The following ACTR3C variants were observed in gnomAD, a reference collection of about 807,000 sequenced individuals.
The protein encoded by ACTR3C is actin-related protein 3C.
ACTR3C carries 18 observed loss-of-function variants against 26.3 expected under a neutral mutation model. The ratio of observed to expected loss-of-function variants is 0.68; its 90% CI spans 0.47 to 1.01. The LOEUF is 1.01. Ranked by LOEUF, ACTR3C falls within the 50% of genes least tolerant of loss-of-function variation. The pLI is 0.00. For synonymous variants in ACTR3C, 55 were observed against 94.5 expected, an observed-to-expected ratio of 0.58 and a Z score of 2.42; for missense variants, 184 against 250.7, an observed-to-expected ratio of 0.73 and a Z score of 1.80.
the ACTR3C span, among the ~76,000 whole-genome samples, chr7:149,889,101 A>G: frequency 2.5e-4 from 38 of 152,184 alleles, no homozygotes; most frequent in Admixed American, 7.2e-4. Context: ...ACTATTTGTA[A>G]AGCATATATC....
At chr7:150,161,431 T>G in the ACTR3C span, among the ~76,000 whole-genome samples, 1 of 151,736 alleles carries the variant, frequency 6.6e-6, no homozygotes, top group South Asian at 2.1e-4. Context: ...GTTCTCATTG[T>G]TCAATTACCA....
the ACTR3C span, among the ~76,000 whole-genome samples, chr7:149,933,782 A>G: frequency 6.6e-6 from 1 of 152,162 alleles, no homozygotes; most frequent in South Asian, 2.1e-4. Flanking sequence ...CCAGGTGTAG[A>G]GTTCCACTCA....
chr7:150,055,883 T>TA, the ACTR3C span, among the ~76,000 whole-genome samples: 19,781 of 152,170 alleles, frequency 0.13, 1,349 homozygotes, highest in South Asian at 0.21. Context: ...TTTAATGCAA[T>TA]AAAAAAATCC....
the ACTR3C span, among the ~76,000 whole-genome samples, chr7:149,990,089 A>G: frequency 1.3e-5 from 2 of 151,688 alleles, no homozygotes; most frequent in Middle Eastern, 3.4e-3. Context: ...ACGGGTCTCA[A>G]TTTTTCCTCC....
the ACTR3C span, among the ~76,000 whole-genome samples, chr7:150,100,397 C>T: frequency 0.43 from 65,600 of 151,384 alleles, 15,518 homozygotes; most frequent in East Asian, 0.69. Context: ...CTGGGCTCTG[C>T]GCTGAGTTTT....
chr7:149,955,584 T>C, the ACTR3C span, among the ~76,000 whole-genome samples: 774 of 152,224 alleles, frequency 5.1e-3, 7 homozygotes, highest in African/African-American at 0.018. Flanking sequence ...ATACGGTGTT[T>C]TTGCAACAAG....
chr7:149,996,582 A>AAAAAAAATAAAT, the ACTR3C span, among the ~76,000 whole-genome samples: 27 of 148,990 alleles, frequency 1.8e-4, no homozygotes, highest in Admixed American at 4.7e-4. Flanking sequence ...TTCTGGTAAA[A>AAAAAAAATAAAT]AAATAAATAA....
At chr7:150,084,553 TATGA>T in the ACTR3C span, among the ~76,000 whole-genome samples, 1 of 152,064 alleles carries the variant, frequency 6.6e-6, no homozygotes, top group Non-Finnish European at 1.5e-5. Flanking sequence ...CAGGAAGATC[TATGA>T]GAGAGCCTTC....
chr7:150,299,963 G>C (rs1287512530), intron 1 of ACTR3C, among the ~76,000 whole-genome samples: 2 of 149,266 alleles, frequency 1.3e-5, no homozygotes, highest in African/African-American at 2.6e-5. Context: ...ATAGTATTAG[G>C]GTTTTTTTTT....
the ACTR3C span, among the ~76,000 whole-genome samples, chr7:149,956,652 C>T: frequency 1.1e-4 from 16 of 151,978 alleles, no homozygotes; most frequent in African/African-American, 3.6e-4. Flanking sequence ...GTTGTTTAAT[C>T]AGATATGGCC....
the ACTR3C span, among the ~76,000 whole-genome samples, chr7:150,211,282 TTTC>T: frequency 6.6e-6 from 1 of 150,442 alleles, no homozygotes; most frequent in Non-Finnish European, 1.5e-5. Flanking sequence ...TGGTTCTTTC[TTTC>T]TTCTTTACAT....
the ACTR3C span, among the ~76,000 whole-genome samples, chr7:150,148,324 A>G: frequency 1.3e-5 from 2 of 152,100 alleles, no homozygotes; most frequent in South Asian, 4.1e-4. Context: ...TAAAAATACA[A>G]AAATTAGCCA....
At chr7:149,984,888 T>C in the ACTR3C span, among the ~76,000 whole-genome samples, 3 of 152,162 alleles carry the variant, frequency 2.0e-5, no homozygotes, top group Non-Finnish European at 2.9e-5. Flanking sequence ...TCTCTGCCCA[T>C]TTTGGCCTTA....
chr7:150,180,283 C>G, the ACTR3C span, among the ~76,000 whole-genome samples: 3 of 149,142 alleles, frequency 2.0e-5, no homozygotes, highest in Non-Finnish European at 4.4e-5. Flanking sequence ...CCAGCCCGGG[C>G]GACAGAGCGA....
chr7:150,215,583 G>T, the ACTR3C span, among the ~76,000 whole-genome samples: 1 of 152,238 alleles, frequency 6.6e-6, no homozygotes, highest in African/African-American at 2.4e-5. Flanking sequence ...GTTGAGGTTC[G>T]TGGACTAATA....
At chr7:150,216,958 C>G in the ACTR3C span, among the ~76,000 whole-genome samples, 39 of 143,212 alleles carry the variant, frequency 2.7e-4, no homozygotes, top group Admixed American at 1.2e-3. Flanking sequence ...TGCACTCTAG[C>G]CTGGCAACAG....
At chr7:150,205,285 C>T in the ACTR3C span, among the ~76,000 whole-genome samples, 1 of 152,170 alleles carries the variant, frequency 6.6e-6, no homozygotes, top group South Asian at 2.1e-4. Flanking sequence ...ATGTCTAATG[C>T]TTATTGAAGC....
chr7:149,952,170 T>G, the ACTR3C span, among the ~76,000 whole-genome samples: 10,771 of 150,604 alleles, frequency 0.072, 1,182 homozygotes, highest in African/African-American at 0.24. Context: ...AAACGCCTTA[T>G]CTTCAAATAC....
At chr7:149,997,717 T>G in the ACTR3C span, among the ~76,000 whole-genome samples, 5 of 149,956 alleles carry the variant, frequency 3.3e-5, no homozygotes, top group African/African-American at 1.2e-4. Flanking sequence ...GAATTTACAT[T>G]TTTACTCTCT....
Sources: allele counts gnomAD v4.1 joint callset (sites outside exome capture counted in the v4.1 genomes callset), GRCh38; gene constraint gnomAD v4.1.1; transcripts MANE v1.5; gene names NCBI Gene and HGNC (gene_info 2026-07-23, HGNC 2026-07-21).